The following CYLD variants were observed in gnomAD, a reference collection of about 807,000 sequenced individuals.
CYLD encodes CYLD lysine 63 deubiquitinase.
Under a neutral mutation model 104.5 loss-of-function variants are expected in CYLD, and 26 were observed. The observed-to-expected ratio is 0.25, with a 90% CI of 0.18 to 0.35. The LOEUF (loss-of-function observed/expected upper bound fraction) is 0.35. Among genes scored for constraint, CYLD ranks in the 10% least tolerant of loss-of-function variants. The pLI is 1.00. For missense variants in CYLD, 703 were observed against 1,136.1 expected, an observed-to-expected ratio of 0.62 and a Z score of 5.48; for synonymous variants, 385 against 399.9, an observed-to-expected ratio of 0.96 and a Z score of 0.45.
At chr16:50,792,049 TAA>T (rs1971484983) in intron 15 of CYLD, among the ~76,000 whole-genome samples, 1 of 152,304 alleles carries the variant, frequency 6.6e-6, no homozygotes, top group Admixed American at 6.5e-5. Flanking sequence ...CCCCCTTCAT[TAA>T]GAGACAAAAT....
rs1972165031 is a variant in CYLD at position 50,797,746 on chromosome 16, G to A, written c.*1238G>A. Reference sequence around the variant, plus strand: ...CAGAAAGGCAGAAAAGTCATCATATGTATATGTCATATGACTTTATAAAAT... The same window carrying A: ...CAGAAAGGCAGAAAAGTCATCATATATATATGTCATATGACTTTATAAAAT... On this transcript the variant is annotated 3_prime_UTR_variant, in exon 19 of 19. Transcript: ENST00000427738. 1 of 232,552 alleles carries A rather than the reference G, an allele frequency of 4.3e-6. No individual in the cohort carries two copies. Among genetic ancestry groups the A allele is most frequent in the African/African-American group, 2.2e-5 (1 of 45,272 alleles). 14.4% of individuals were successfully genotyped at this position (232,552 alleles called of 1,614,324 possible).
chr16:50,783,549 A>G (rs1567450417), intron 11 of CYLD, among the ~76,000 whole-genome samples: 1 of 151,440 alleles, frequency 6.6e-6, no homozygotes, highest in Non-Finnish European at 1.5e-5. Flanking sequence ...TCACTCGTTT[A>G]TTTTTTTGAG....
At chr16:50,748,835 C>G (rs1262387932) in intron 2 of CYLD, among the ~76,000 whole-genome samples, 3 of 152,046 alleles carry the variant, frequency 2.0e-5, no homozygotes, top group African/African-American at 7.3e-5. Flanking sequence ...ACAATATGGC[C>G]ATATCATAGC....
chr16:50,793,327 T>C (rs1205118238), intron 16 of CYLD, among the ~76,000 whole-genome samples: 1 of 152,184 alleles, frequency 6.6e-6, no homozygotes, highest in African/African-American at 2.4e-5. Flanking sequence ...AAAAATACTC[T>C]AGGAGACACT....
chr16:50,769,983 G>T (rs1351246753), intron 5 of CYLD, among the ~76,000 whole-genome samples: 1 of 152,020 alleles, frequency 6.6e-6, no homozygotes, highest in African/African-American at 2.4e-5. Context: ...TATATCCATG[G>T]ATTGTTCCTG....
chr16:50,776,346 AT>A, intron 7 of CYLD, 69 bp downstream of exon 7: 2 of 1,069,408 alleles, frequency 1.9e-6, no homozygotes, highest in Non-Finnish European at 2.9e-6. Context: ...ATTAAAAAAG[AT>A]TATAAGCTAT....
At chr16:50,788,598 T>G (rs980229723) in intron 14 of CYLD, among the ~76,000 whole-genome samples, 3 of 152,130 alleles carry the variant, frequency 2.0e-5, no homozygotes, top group African/African-American at 7.2e-5. Flanking sequence ...TGGTTTGATA[T>G]TGTTTGGGAA....
chr16:50,752,261 G>T (rs550384957), intron 4 of CYLD, among the ~76,000 whole-genome samples: 1 of 151,068 alleles, frequency 6.6e-6, no homozygotes, highest in South Asian at 2.1e-4. Flanking sequence ...CTGACCAGTA[G>T]ACAAAACAAA....
In CYLD at chr16:50,754,528, A is replaced by G. The variant is rs145562447; in HGVS notation, c.913+104A>G. The G allele has an allele frequency of 6.4e-6, 5 of 777,016 alleles. No individual in the cohort carries two copies. In the African/African-American group the frequency reaches 8.7e-5, roughly 14 times the overall value. 48.1% of individuals were successfully genotyped at this position (777,016 alleles called of 1,614,324 possible). ...GGGGGAACAGGTGGTGTTTGGTTAC[A>G]TGGATAAGTTCTTTCGTGGTGATTT... is the stretch of plus-strand genomic sequence containing the variant. On this transcript the variant is annotated intron_variant, in intron 5 of 18. Transcript: ENST00000427738.
Position 50,760,277 on chromosome 16 carries a change from A to AAT in CYLD, c.913+5863_913+5864dup, listed in dbSNP as rs754940513. ...ATATGGATTTATTTGGGTTCTAACT[A>AAT]ATATATATATACCCTTGAATTAGAA... On this transcript the variant is annotated intron_variant, in intron 5 of 18. Transcript: ENST00000427738. Among the ~76,000 whole-genome samples the AAT allele has an allele frequency of 2.5e-4, 38 of 152,262 alleles. No individual in the cohort carries two copies. In the East Asian group the frequency reaches 3.1e-3, roughly 12 times the overall value.
chr16:50,752,327 A>T (rs1257433526), intron 4 of CYLD, among the ~76,000 whole-genome samples: 1 of 152,018 alleles, frequency 6.6e-6, no homozygotes, highest in Non-Finnish European at 1.5e-5. Context: ...ATTTTGAAAC[A>T]GTTTTTTGGG....
chr16:50,793,920 ATTTT>A, intron 17 of CYLD, among the ~76,000 whole-genome samples: 1 of 131,080 alleles, frequency 7.6e-6, no homozygotes. Flanking sequence ...CATTAATGAC[ATTTT>A]TTTTTTTTTT....
intron 4 of CYLD, among the ~76,000 whole-genome samples, chr16:50,754,069 A>G (rs1966831415): frequency 6.6e-6 from 1 of 152,204 alleles, no homozygotes; most frequent in Non-Finnish European, 1.5e-5. Context: ...TTCTTTGCTT[A>G]TCTGGGGGTT....
In CYLD at chr16:50,800,033, G is replaced by A. The variant is rs1464172605; in HGVS notation, c.*3525G>A. On this transcript the variant is annotated 3_prime_UTR_variant, in exon 19 of 19. Transcript: ENST00000427738. The stretch of plus-strand genomic sequence containing the variant: ...ACAGGTCTAGGGGAAGCTTTGGGAG[G>A]TGGTGTGCTGTGACAGAAAAAGTGG... The A allele has an allele frequency of 4.3e-6, 1 of 233,114 alleles. No individual in the cohort carries two copies. The highest frequency in any genetic ancestry group is 6.0e-5 in the East Asian group (1 of 16,590). The allele number at this position is 233,114 out of a possible 1,614,324, so 14.4% of individuals were successfully genotyped here. A position where few individuals can be genotyped will look rare whatever the true frequency, so the allele number is the denominator to read the frequency against.
rs1972111635 is a variant in CYLD, at chr16:50,797,050, G to A, written c.*542G>A. On this transcript the variant is annotated 3_prime_UTR_variant, in exon 19 of 19. Transcript: ENST00000427738. ...ATCTTGCATGTCTACAATCTGCTCAGTTTTTCTGTGTTTCTGCAATAGTGG... is the reference window on the plus strand; with the variant it reads ...ATCTTGCATGTCTACAATCTGCTCAATTTTTCTGTGTTTCTGCAATAGTGG... 4.2e-6 allele frequency: 1 copy of A among 236,118 alleles called. No homozygotes were observed. Among genetic ancestry groups the A allele is most frequent in the East Asian group, 6.0e-5 (1 of 16,672 alleles). 14.6% of individuals were successfully genotyped at this position (236,118 alleles called of 1,614,324 possible).
At chr16:50,764,668 T>G (rs899462318) in intron 5 of CYLD, among the ~76,000 whole-genome samples, 5 of 152,316 alleles carry the variant, frequency 3.3e-5, no homozygotes, top group African/African-American at 1.2e-4. Context: ...ACTAGTGCAT[T>G]TTTTAGGTCT....
chr16:50,769,070 T>C (rs1968834329), intron 5 of CYLD, among the ~76,000 whole-genome samples: 1 of 152,252 alleles, frequency 6.6e-6, no homozygotes, highest in East Asian at 1.9e-4. Context: ...TATTAGTTTC[T>C]ATATCCATTC....
In CYLD at chr16:50,776,207, C is replaced by T. The variant is rs1969667453; in HGVS notation, c.951C>T (p.Pro317=). The change falls in exon 7 of 19, where the codon CCC becomes CCT. Residue 317 remains proline, a synonymous_variant. Transcript: ENST00000427738. The stretch of plus-strand genomic sequence containing the variant: ...GTGTGACGCAGGAAAGGAGGCCTCC[C>T]AAACTTGCCTTTATGTCAAGAGGTG... ...SESVTQERRP[P]KLAFMSRGVG... The T allele has an allele frequency of 1.2e-6, 2 of 1,613,314 alleles. No homozygotes were observed. Among genetic ancestry groups the T allele is most frequent in the Admixed American group, 3.3e-5 (2 of 59,928 alleles).
chr16:50,766,313 A>T (rs544640805), intron 5 of CYLD, among the ~76,000 whole-genome samples: 1 of 152,214 alleles, frequency 6.6e-6, no homozygotes, highest in Non-Finnish European at 1.5e-5. Context: ...TGTTTATAGC[A>T]TGCTTAACTG....
Sources: gnomAD v4.1 joint callset for allele counts (sites outside exome capture counted in the v4.1 genomes callset) on GRCh38, gnomAD v4.1.1 for gene constraint, MANE v1.5 for transcripts, NCBI Gene and HGNC (gene_info 2026-07-23, HGNC 2026-07-21) for gene names.